The following LRIT3 variants were observed in gnomAD, a reference collection of about 807,000 sequenced individuals.
LRIT3 encodes leucine rich repeat, Ig-like and transmembrane domains 3, also known as leucine-rich repeat, immunoglobulin-like domain and transmembrane domain-containing protein 3.
Under a neutral mutation model 22.6 loss-of-function variants are expected in LRIT3, and 14 were observed. The ratio of observed to expected loss-of-function variants is 0.62; its 90% CI spans 0.41 to 0.97. The LOEUF is 0.97. LRIT3 is among the 50% of genes least tolerant of loss of function. LRIT3 has a pLI of 0.00. For synonymous variants in LRIT3, 306 were observed against 304.5 expected, an observed-to-expected ratio of 1.01 and a Z score of -0.05; for missense variants, 783 against 803.0, an observed-to-expected ratio of 0.98 and a Z score of 0.30.
intron 2 of LRIT3, among the ~76,000 whole-genome samples, chr4:109,854,720 C>G (rs1283001737): frequency 6.6e-6 from 1 of 152,104 alleles, no homozygotes; most frequent in Non-Finnish European, 1.5e-5. Flanking sequence ...TCGTAAATAG[C>G]TCATATTATT....
intron 2 of LRIT3, among the ~76,000 whole-genome samples, chr4:109,867,321 G>A (rs1734705834): frequency 6.6e-6 from 1 of 151,960 alleles, no homozygotes; most frequent in Non-Finnish European, 1.5e-5. Context: ...TTTAACATAG[G>A]AATAATAATA....
At chr4:109,856,511 G>A (rs1171774291) in intron 2 of LRIT3, among the ~76,000 whole-genome samples, 1 of 152,142 alleles carries the variant, frequency 6.6e-6, no homozygotes, top group Non-Finnish European at 1.5e-5. Flanking sequence ...TCATCACTGG[G>A]TAAAGAAGTT....
rs1449522771 is a variant in LRIT3, at chr4:109,851,924, A to G, written c.537A>G (p.Leu179=). Residue 179 remains leucine, a synonymous_variant, in exon 2 of 4, where the codon TTA becomes TTG. Coordinates refer to ENST00000594814, the MANE Select transcript of LRIT3 (RefSeq NM_198506.5). ...PPDFLESWTH[L]VSTPSGVLDL... ...ATTTCCTGGAGAGCTGGACTCATTT[A>G]GTTTCAACACCTTCTGGAGTCCTGG... 2 of 1,551,536 alleles carry G rather than the reference A, an allele frequency of 1.3e-6. No individual in the cohort carries two copies. Among genetic ancestry groups the G allele is most frequent in the African/African-American group, 2.7e-5 (2 of 73,038 alleles).
At chr4:109,853,216 CT>C (rs1257859996) in intron 2 of LRIT3, among the ~76,000 whole-genome samples, 3 of 152,262 alleles carry the variant, frequency 2.0e-5, no homozygotes, top group African/African-American at 7.2e-5. Flanking sequence ...AAAAACGTTC[CT>C]ATTTCTCCAC....
chr4:109,853,877 T>G (rs893800928), intron 2 of LRIT3, among the ~76,000 whole-genome samples: 2 of 152,228 alleles, frequency 1.3e-5, no homozygotes, highest in Non-Finnish European at 2.9e-5. Flanking sequence ...GTCAGGTTTG[T>G]CAAAGATCAG....
Position 109,870,345 on chromosome 4 carries a change from A to G in LRIT3, c.1596A>G (p.Ala532=), listed in dbSNP as rs1734800280. The change falls in exon 4 of 4, where the codon GCA becomes GCG. Residue 532 remains alanine, a synonymous_variant. Transcript: ENST00000594814. The part of the protein sequence containing the change: ...YGGKDLLLLN[A]DSSKNQVTID... ...GGAAGGACCTGCTGCTGTTGAATGC[A>G]GACTCCAGCAAGAACCAAGTAACCA... The G allele has an allele frequency of 5.0e-6, 8 of 1,614,222 alleles. No homozygotes were observed. Among genetic ancestry groups the G allele is most frequent in the Non-Finnish European group, 6.8e-6 (8 of 1,180,034 alleles).
At chr4:109,855,939 A>G (rs1179493116) in intron 2 of LRIT3, among the ~76,000 whole-genome samples, 2 of 152,134 alleles carry the variant, frequency 1.3e-5, no homozygotes, top group Non-Finnish European at 2.9e-5. Flanking sequence ...GAGGCCTAGA[A>G]GAGCTGTGGC....
chr4:109,853,812 C>G (rs1360616023), intron 2 of LRIT3, among the ~76,000 whole-genome samples: 1 of 152,186 alleles, frequency 6.6e-6, no homozygotes, highest in Admixed American at 6.5e-5. Context: ...TATGGCTAGC[C>G]AGTTTTCCCA....
Position 109,851,750 on chromosome 4 carries a change from T to C in LRIT3, c.363T>C (p.Pro121=), listed in dbSNP as rs1268115261. 1.9e-6 allele frequency: 3 copies of C among 1,551,760 alleles called. No homozygotes were observed. In the East Asian group the frequency reaches 7.3e-5, roughly 38 times the overall value. ...RLDGNSLAAF[P]WASLLDMPLL... ...ATGGGAATTCTCTGGCTGCTTTCCCTTGGGCATCTCTGCTGGACATGCCCC... is the reference window on the plus strand; with the variant it reads ...ATGGGAATTCTCTGGCTGCTTTCCCCTGGGCATCTCTGCTGGACATGCCCC... Residue 121 remains proline (P), a synonymous_variant, in exon 2 of 4, where the codon CCT becomes CCC. Transcript: ENST00000594814.
intron 2 of LRIT3, among the ~76,000 whole-genome samples, chr4:109,864,800 G>A (rs1269189961): frequency 6.6e-6 from 1 of 152,086 alleles, no homozygotes; most frequent in Non-Finnish European, 1.5e-5. Flanking sequence ...GTTTATAAAA[G>A]GAGAATTGAC....
chr4:109,869,865 A>G lies in LRIT3; in HGVS notation c.1116A>G (p.Gly372=), dbSNP rs149197944. Reference sequence around the variant, plus strand: ...ATCCTGAGTGGGATGTCCAGCCGGGATCTGGAAGATCTACATCTGTATCTA... The same window carrying G: ...ATCCTGAGTGGGATGTCCAGCCGGGGTCTGGAAGATCTACATCTGTATCTA... ...GDHPEWDVQP[G]SGRSTSVSSA... Residue 372 remains glycine, a synonymous_variant, in exon 4 of 4, where the codon GGA becomes GGG. Transcript: ENST00000594814. The G allele has an allele frequency of 3.0e-5, 48 of 1,614,016 alleles. No homozygotes were observed. The African/African-American group carries it at 4.9e-4, about 17-fold the overall frequency.
At chr4:109,867,526 T>C in intron 2 of LRIT3, 115 bp from the exon 3 acceptor site, 1 of 965,088 alleles carries the variant, frequency 1.0e-6, no homozygotes, top group Non-Finnish European at 1.6e-6. Flanking sequence ...GCTTCATCCC[T>C]CAAAGCACTT....
rs1372238485 is a variant in LRIT3, at chr4:109,871,456, T to C, written c.*667T>C. On this transcript the variant is annotated 3_prime_UTR_variant, in exon 4 of 4. Coordinates refer to ENST00000594814, the MANE Select transcript of LRIT3 (RefSeq NM_198506.5). Reference sequence around the variant, plus strand: ...CCATTTCTTTAAAAATGGTAACTGTTGCATTTAAACACATCGACTGACAGA... The same window carrying C: ...CCATTTCTTTAAAAATGGTAACTGTCGCATTTAAACACATCGACTGACAGA... 1 of 152,220 alleles carries C rather than the reference T, an allele frequency of 6.6e-6. No individual in the cohort carries two copies. Among genetic ancestry groups the C allele is most frequent in the African/African-American group, 2.4e-5 (1 of 41,458 alleles). The allele number at this position is 152,220 out of a possible 1,614,324, so 9.4% of individuals were successfully genotyped here.
intron 2 of LRIT3, among the ~76,000 whole-genome samples, chr4:109,858,394 TGGA>T (rs1304987255): frequency 2.6e-5 from 4 of 152,086 alleles, no homozygotes; most frequent in African/African-American, 9.7e-5. Flanking sequence ...TTTTGACAAT[TGGA>T]TGTGTTAGTT....
In LRIT3 at chr4:109,848,333, T is replaced by A; in HGVS notation, c.116+16T>A. On this transcript the variant is annotated intron_variant, in intron 1 of 3. Coordinates refer to ENST00000594814, the MANE Select transcript of LRIT3 (RefSeq NM_198506.5). Reference sequence around the variant, plus strand: ...CAGGATCAAGGTATGCTCCTCTGCTTGTTACTAAGTGTTCTCATTATTTTG... The same window carrying A: ...CAGGATCAAGGTATGCTCCTCTGCTAGTTACTAAGTGTTCTCATTATTTTG... 4 of 1,186,578 alleles carry A rather than the reference T, an allele frequency of 3.4e-6. No homozygotes were observed. The highest frequency in any genetic ancestry group is 4.2e-6 in the Non-Finnish European group (4 of 946,494). 73.5% of individuals were successfully genotyped at this position (1,186,578 alleles called of 1,614,324 possible). A position where few individuals can be genotyped will look rare whatever the true frequency, so the allele number is the denominator to read the frequency against.
intron 1 of LRIT3, among the ~76,000 whole-genome samples, chr4:109,850,354 T>TTTTC (rs1560588736): frequency 7.3e-6 from 1 of 137,060 alleles, no homozygotes; most frequent in Non-Finnish European, 1.6e-5. Flanking sequence ...GACAGTGTTG[T>TTTTC]CTTCCTTCCT....
At chr4:109,869,170 G>A (rs1055302273) in intron 3 of LRIT3, among the ~76,000 whole-genome samples, 10 of 152,244 alleles carry the variant, frequency 6.6e-5, no homozygotes, top group African/African-American at 2.4e-4. Context: ...AGAGATATAT[G>A]CATTTTATTA....
At chr4:109,867,388 A>G (rs1426043577) in intron 2 of LRIT3, among the ~76,000 whole-genome samples, 1 of 152,206 alleles carries the variant, frequency 6.6e-6, no homozygotes, top group Non-Finnish European at 1.5e-5. Context: ...AGTGCTTAGT[A>G]CATAATCTAG....
rs777757196 is a variant in LRIT3 at position 109,869,981 on chromosome 4, C to T, written c.1232C>T (p.Ser411Phe). Residue 411 changes from serine (S) to phenylalanine (F), a missense_variant, in exon 4 of 4, where the codon TCT becomes TTT. Physicochemically the swap from Ser to Phe is radical, Grantham distance 155 (BLOSUM62 -2). Transcript: ENST00000594814. ...TLSPPSTASF[S>F]LSPFSSSTVS... ...TCTCCTCCCTCTACTGCTTCCTTCT[C>T]TTTATCTCCTTTCTCCTCCTCCACT... The T allele has an allele frequency of 4.3e-6, 7 of 1,614,024 alleles. No individual in the cohort carries two copies. The South Asian group carries it at 6.6e-5, about 15-fold the overall frequency.
Sources: gnomAD v4.1 joint callset for allele counts (sites outside exome capture counted in the v4.1 genomes callset) on GRCh38, gnomAD v4.1.1 for gene constraint, MANE v1.5 for transcripts, NCBI Gene and HGNC (gene_info 2026-07-23, HGNC 2026-07-21) for gene names.